Variants in IVNS1ABP observed in about 807,000 individuals in gnomAD.
IVNS1ABP encodes the protein influenza virus NS1A-binding protein.
In IVNS1ABP, 25 loss-of-function variants were observed where a neutral mutation model predicts 78.9. The ratio of observed to expected loss-of-function variants is 0.32; its 90% CI spans 0.23 to 0.44. The LOEUF is 0.44. IVNS1ABP is among the 20% of genes least tolerant of loss of function. IVNS1ABP has a pLI of 1.00. For synonymous variants in IVNS1ABP, 241 were observed against 259.7 expected (o/e 0.93, Z 0.69); for missense variants, 494 against 768.9 (o/e 0.64, Z 4.23).
rs1259678798 is a variant in IVNS1ABP, at chr1:185,305,019, T to C, written c.765+517A>G. On this transcript the variant is annotated intron_variant, in intron 8 of 14. Transcript: ENST00000367498. The surrounding 1 kb of genome is among the most constrained non-coding windows in gnomAD (Gnocchi z 4.0). Reference sequence around the variant, plus strand: ...TGGAACTCTACTATATTTTAATTCATCTTGGTTAAAGAAACATCTAGATCA... The same window carrying C: ...TGGAACTCTACTATATTTTAATTCACCTTGGTTAAAGAAACATCTAGATCA... Among the ~76,000 whole-genome samples, 1 of 152,186 alleles carries C rather than the reference T, an allele frequency of 6.6e-6. No homozygotes were observed. Among genetic ancestry groups the C allele is most frequent in the African/African-American group, 2.4e-5 (1 of 41,456 alleles).
At chr1:185,306,770 C>A in intron 7 of IVNS1ABP, 1 of 679,242 alleles carries the variant, frequency 1.5e-6, no homozygotes, top group Non-Finnish European at 2.1e-6. Flanking sequence ...AAATTACATG[C>A]TACTTTAAAG....
chr1:185,301,274 G>A, intron 9 of IVNS1ABP, 78 bp from the exon 10 acceptor site: 1 of 1,415,794 alleles, frequency 7.1e-7, no homozygotes, highest in Non-Finnish European at 9.8e-7. Flanking sequence ...TTGGACTCCA[G>A]TCTCCACATC....
chr1:185,307,150 G>A lies in IVNS1ABP; in HGVS notation c.532-11C>T. Reference sequence around the variant, plus strand: ...AAGCATTACCTCCAACTAGAATTGGGAAAAACAATGACATGGATCAGTGTT... The same window carrying A: ...AAGCATTACCTCCAACTAGAATTGGAAAAAACAATGACATGGATCAGTGTT... On this transcript the variant is annotated splice_polypyrimidine_tract_variant and intron_variant, in intron 6 of 14. Transcript: ENST00000367498. 1 of 1,612,712 alleles carries A rather than the reference G, an allele frequency of 6.2e-7. No individual in the cohort carries two copies. The highest frequency in any genetic ancestry group is 8.5e-7 in the Non-Finnish European group (1 of 1,179,162).
At chr1:185,316,833 G>C (rs1340636365) in intron 1 of IVNS1ABP, 120 bp downstream of exon 1, 4 of 394,570 alleles carry the variant, frequency 1.0e-5, no homozygotes, top group African/African-American at 2.1e-5. Flanking sequence ...TGCCTCCCCT[G>C]ATGAGGACAC....
At chr1:185,307,399 A>G (rs1484342744) in intron 6 of IVNS1ABP, 90 bp downstream of exon 6, 3 of 1,033,324 alleles carry the variant, frequency 2.9e-6, no homozygotes, top group Non-Finnish European at 4.3e-6. Context: ...GTATTATTTC[A>G]TAATCATTAC....
intron 8 of IVNS1ABP, among the ~76,000 whole-genome samples, chr1:185,303,361 T>C (rs1324182879): frequency 1.3e-5 from 2 of 152,142 alleles, no homozygotes; most frequent in Non-Finnish European, 2.9e-5. Flanking sequence ...CTTCAAACTT[T>C]CTTCTCCTAC....
intron 5 of IVNS1ABP, chr1:185,307,995 T>C: frequency 6.5e-7 from 1 of 1,549,984 alleles, no homozygotes; most frequent in South Asian, 1.2e-5. Context: ...TGATGTTGAA[T>C]GCAGACAGAA....
At position 185,299,760 on chromosome 1, in the gene IVNS1ABP, A is replaced by G. The variant is rs755100537; in HGVS notation, c.1625T>C (p.Ile542Thr). 14 of 1,613,680 alleles carry G rather than the reference A, an allele frequency of 8.7e-6. No individual in the cohort carries two copies. Among genetic ancestry groups the G allele is most frequent in the Non-Finnish European group, 1.0e-5 (12 of 1,179,754 alleles). ...TCGCCTAGCCACATTCATGGGTGCA[A>G]TTAAAGTCCAGGTATTATTTTCAGG... ...YNPENNTWTL[I>T]APMNVARRGA... The change falls in exon 14 of 15, where the codon ATT becomes ACT. Residue 542 changes from isoleucine (I) to threonine (T), a missense_variant. Coordinates refer to ENST00000367498, the MANE Select transcript of IVNS1ABP (RefSeq NM_006469.5).
At chr1:185,309,622 A>G in intron 2 of IVNS1ABP, 111 bp from the exon 3 acceptor site, 1 of 627,478 alleles carries the variant, frequency 1.6e-6, no homozygotes, top group Non-Finnish European at 2.8e-6. Flanking sequence ...CCTATAAACA[A>G]CACATAAAAA....
chr1:185,315,061 A>T (rs1439398711), intron 1 of IVNS1ABP, among the ~76,000 whole-genome samples: 2 of 152,200 alleles, frequency 1.3e-5, no homozygotes, highest in Non-Finnish European at 2.9e-5. Flanking sequence ...CAATACTTCA[A>T]TCTACACACA....
At chr1:185,313,318 A>G (rs1218433435) in intron 1 of IVNS1ABP, among the ~76,000 whole-genome samples, 1 of 152,178 alleles carries the variant, frequency 6.6e-6, no homozygotes, top group East Asian at 1.9e-4. Flanking sequence ...CCTGATTTTT[A>G]GTACATCAAG....
At chr1:185,303,267 G>A (rs1403517279) in intron 8 of IVNS1ABP, among the ~76,000 whole-genome samples, 1 of 152,096 alleles carries the variant, frequency 6.6e-6, no homozygotes, top group Non-Finnish European at 1.5e-5. Flanking sequence ...TAGAAATGCT[G>A]ATTAAATCCT....
chr1:185,306,736 A>G, intron 7 of IVNS1ABP: 4 of 862,352 alleles, frequency 4.6e-6, no homozygotes, highest in Non-Finnish European at 6.1e-6. Context: ...AGAAAATTTC[A>G]GTACCACTTC....
rs1312054603 is a variant in IVNS1ABP, at chr1:185,297,778, C to A, written c.*257G>T. ...GACTTCTTGAAATGATGTGCCCAAT[C>A]AATTCTTGGTTTATTCTTTTCCAAA... On this transcript the variant is annotated 3_prime_UTR_variant, in exon 15 of 15. Transcript: ENST00000367498. 1.7e-5 allele frequency: 8 copies of A among 467,232 alleles called. No individual in the cohort carries two copies. Among genetic ancestry groups the A allele is most frequent in the Non-Finnish European group, 3.0e-5 (8 of 263,926 alleles). The allele number at this position is 467,232 out of a possible 1,614,324, so 28.9% of individuals were successfully genotyped here. A position where few individuals can be genotyped will look rare whatever the true frequency, so the allele number is the denominator to read the frequency against.
intron 5 of IVNS1ABP, chr1:185,307,897 A>C (rs1311658267): frequency 1.3e-6 from 2 of 1,505,292 alleles, no homozygotes; most frequent in South Asian, 1.3e-5. Context: ...ATGCTATGTA[A>C]GTTCACATAA....
chr1:185,299,743 C>A lies in IVNS1ABP; in HGVS notation c.1642G>T (p.Ala548Ser), dbSNP rs144563626. The change falls in exon 14 of 15, where the codon GCT becomes TCT. Residue 548 changes from alanine (A) to serine (S), a missense_variant. Coordinates refer to ENST00000367498, the MANE Select transcript of IVNS1ABP (RefSeq NM_006469.5). ...TWTLIAPMNV[A>S]RRGAGVAVLN... is the part of the protein sequence containing the mutation. ...ACAGCCACTCCAGCTCCTCGCCTAG[C>A]CACATTCATGGGTGCAATTAAAGTC... 3.2e-4 allele frequency: 513 copies of A among 1,613,702 alleles called. No individual in the cohort carries two copies. Among genetic ancestry groups the A allele is most frequent in the Non-Finnish European group, 4.1e-4 (487 of 1,179,748 alleles).
chr1:185,314,863 G>C (rs1051372063), intron 1 of IVNS1ABP, among the ~76,000 whole-genome samples: 1 of 152,184 alleles, frequency 6.6e-6, no homozygotes, highest in Non-Finnish European at 1.5e-5. Flanking sequence ...ATGGAGAAGG[G>C]AAGGAAGGAA....
At position 185,298,353 on chromosome 1, in the gene IVNS1ABP, A is replaced by G; in HGVS notation, c.1676-65T>C. ...GTGTAATAAGGTAAAACTCCCCTAA[A>G]TCTGTCTTTTGCTTAAAAATCAGTG... On this transcript the variant is annotated intron_variant, in intron 14 of 14. Coordinates refer to ENST00000367498, the MANE Select transcript of IVNS1ABP (RefSeq NM_006469.5). The surrounding 1 kb of genome is among the most constrained non-coding windows in gnomAD (Gnocchi z 4.1). 7.0e-7 allele frequency: 1 copy of G among 1,432,920 alleles called. No homozygotes were observed. 88.8% of individuals were successfully genotyped at this position (1,432,920 alleles called of 1,614,324 possible). A position where few individuals can be genotyped will look rare whatever the true frequency, so the allele number is the denominator to read the frequency against.
intron 14 of IVNS1ABP, 28 bp downstream of exon 14, chr1:185,299,682 C>A (rs1665516285): frequency 2.5e-6 from 4 of 1,611,212 alleles, no homozygotes; most frequent in South Asian, 1.1e-5. Flanking sequence ...ACTATCTACT[C>A]TTCACCTCTC....
Sources: gnomAD v4.1 joint callset for allele counts (sites outside exome capture counted in the v4.1 genomes callset) on GRCh38, gnomAD v4.1.1 for gene constraint, Gnocchi (gnomAD v3.1) non-coding constraint, MANE v1.5 for transcripts, NCBI Gene and HGNC (gene_info 2026-07-23, HGNC 2026-07-21) for gene names.